The following ZFYVE26 variants were observed in gnomAD, a reference collection of about 807,000 sequenced individuals.
ZFYVE26 encodes zinc finger FYVE-type containing 26.
ZFYVE26 carries 181 observed loss-of-function variants against 276.5 expected under a neutral mutation model. The ratio of observed to expected loss-of-function variants is 0.65; its 90% confidence interval spans 0.58 to 0.74. The LOEUF (loss-of-function observed/expected upper bound fraction) is 0.74. Among genes scored for constraint, ZFYVE26 ranks in the 30% least tolerant of loss-of-function variants. ZFYVE26 has a pLI of 0.00. For synonymous variants in ZFYVE26, 1,129 were observed against 1,203.1 expected (o/e 0.94, Z 1.27); for missense variants, 2,821 against 3,097.9 (o/e 0.91, Z 2.12).
Position 67,798,044 on chromosome 14 carries a change from G to GACAAGCCCA in ZFYVE26, c.2217_2218insTGGGCTTGT (p.Arg739_His740insTrpAlaCys). ...CGATGGTTGCTTGTCACCACCTTGTGTCTCCACTGGGCCTCAGAGACAACC... is the reference window on the plus strand; with the variant it reads ...CGATGGTTGCTTGTCACCACCTTGTGACAAGCCCATCTCCACTGGGCCTCAGAGACAACC... On this transcript the variant is annotated inframe_insertion, in exon 11 of 42. Transcript: ENST00000347230. The GACAAGCCCA allele has an allele frequency of 6.2e-7, 1 of 1,614,094 alleles. No individual in the cohort carries two copies. Among genetic ancestry groups the GACAAGCCCA allele is most frequent in the Non-Finnish European group, 8.5e-7 (1 of 1,180,018 alleles).
rs532059976 is a variant in ZFYVE26 at position 67,790,712 on chromosome 14, C to T, written c.2615G>A (p.Arg872His). 1.7e-5 allele frequency: 27 copies of T among 1,614,158 alleles called. No homozygotes were observed. In the East Asian group the frequency reaches 2.9e-4, roughly 17 times the overall value. The change falls in exon 15 of 42, where the codon CGC becomes CAC. Residue 872 changes from arginine (R) to histidine (H), a missense_variant. Physicochemically the swap from Arg to His is conservative, Grantham distance 29 (BLOSUM62 0). Coordinates refer to ENST00000347230, the MANE Select transcript of ZFYVE26 (RefSeq NM_015346.4). Reference protein sequence around the residue: ...PSSGELMFMERYQEVIQELAQ... With the variant: ...PSSGELMFMEHYQEVIQELAQ... The stretch of plus-strand genomic sequence containing the variant: ...CAGTTCTTGGATCACTTCCTGGTAG[C>T]GCTCCATGAACATCAGTTCCCCTGA...
At chr14:67,815,724 A>G (rs1346939736) in intron 2 of ZFYVE26, 46 bp downstream of exon 2, 12 of 1,594,366 alleles carry the variant, frequency 7.5e-6, no homozygotes, top group South Asian at 1.1e-5. Flanking sequence ...ATTGAACCAC[A>G]TGTCTCTCAC....
intron 29 of ZFYVE26, 95 bp from the exon 30 acceptor site, chr14:67,768,643 G>T: frequency 2.6e-6 from 3 of 1,176,196 alleles, no homozygotes; most frequent in African/African-American, 1.5e-5. Context: ...TGTCTCCCTG[G>T]TACAATGGAG....
At chr14:67,732,536 CA>C (rs11408156) in intron 13 of ZFYVE26, among the ~76,000 whole-genome samples, 141 of 130,064 alleles carry the variant, frequency 1.1e-3, no homozygotes, top group African/African-American at 1.4e-3. Flanking sequence ...CCAAACAAAG[CA>C]AAAAAAAAAA....
At position 67,762,750 on chromosome 14, in the gene ZFYVE26, A is replaced by T. The variant is rs2140194754; in HGVS notation, c.6081T>A (p.Asp2027Glu). 6.2e-7 allele frequency: 1 copy of T among 1,614,214 alleles called. No individual in the cohort carries two copies. Among genetic ancestry groups the T allele is most frequent in the East Asian group, 2.2e-5 (1 of 44,884 alleles). Residue 2027 changes from aspartate (D) to glutamate (E), a missense_variant, in exon 33 of 42, where the codon GAT (aspartate) becomes GAA (glutamate). Asp to Glu is a conservative substitution (Grantham distance 45, BLOSUM62 2). Coordinates refer to ENST00000347230, the MANE Select transcript of ZFYVE26 (RefSeq NM_015346.4). Reference sequence around the variant, plus strand: ...TTACTGCAGCTGGCTGCAAGATCTGATCCAAAGATGGCACGTGGCGATAGG... The same window carrying T: ...TTACTGCAGCTGGCTGCAAGATCTGTTCCAAAGATGGCACGTGGCGATAGG... ...AAAYRHVPSL[D>E]QILQPAAVTR...
At chr14:67,806,906 T>C (rs145631116) in intron 5 of ZFYVE26, among the ~76,000 whole-genome samples, 3 of 152,270 alleles carry the variant, frequency 2.0e-5, no homozygotes, top group African/African-American at 7.2e-5. Flanking sequence ...AACACCTCTA[T>C]CTTACACTAG....
At chr14:67,794,286 T>G in intron 12 of ZFYVE26, 47 bp from the exon 13 acceptor site, 1 of 1,580,312 alleles carries the variant, frequency 6.3e-7, no homozygotes, top group Non-Finnish European at 8.7e-7. Context: ...CAGCTCCTTA[T>G]AGAGTAGGAA....
chr14:67,765,070 G>T (rs1455112363), intron 32 of ZFYVE26, among the ~76,000 whole-genome samples: 1 of 150,966 alleles, frequency 6.6e-6, no homozygotes, highest in Admixed American at 6.6e-5. Context: ...TAATTAGGTA[G>T]ATTTTTTATT....
chr14:67,785,681 G>A (rs1220226406), intron 18 of ZFYVE26, among the ~76,000 whole-genome samples, 177 bp downstream of exon 18: 1 of 152,136 alleles, frequency 6.6e-6, no homozygotes, highest in African/African-American at 2.4e-5. Flanking sequence ...TCAATTGAGA[G>A]GTGGGAAAAC....
chr14:67,783,989 C>T lies in ZFYVE26; in HGVS notation c.3626+345G>A, dbSNP rs558581894. On this transcript the variant is annotated intron_variant, in intron 20 of 41. Coordinates refer to ENST00000347230, the MANE Select transcript of ZFYVE26 (RefSeq NM_015346.4). ...TAATAAATATTGACAAACTGCCTTC[C>T]GACAGAGGCTGTACAAATTTATGTC... 1.7e-4 allele frequency among the ~76,000 whole-genome samples: 26 copies of T among 152,254 alleles called. No individual in the cohort carries two copies. The East Asian group carries it at 2.1e-3, about 12-fold the overall frequency.
chr14:67,803,670 G>C (rs1201229247), intron 9 of ZFYVE26, among the ~76,000 whole-genome samples: 1 of 151,692 alleles, frequency 6.6e-6, no homozygotes. Flanking sequence ...TAAATCTCCT[G>C]ATCTGTTATA....
chr14:67,795,924 T>C, intron 12 of ZFYVE26, among the ~76,000 whole-genome samples: 1 of 152,166 alleles, frequency 6.6e-6, no homozygotes, highest in East Asian at 1.9e-4. Flanking sequence ...TGAAAAGATA[T>C]TCAATCTCAA....
intron 13 of ZFYVE26, among the ~76,000 whole-genome samples, chr14:67,730,859 C>A (rs960648477): frequency 6.6e-6 from 1 of 152,290 alleles, no homozygotes; most frequent in Middle Eastern, 3.4e-3. Context: ...CTGCCTTGGC[C>A]TCCTAAAGTG....
intron 10 of ZFYVE26, among the ~76,000 whole-genome samples, chr14:67,800,924 T>TAAAA (rs59890733): frequency 0.052 from 7,763 of 148,648 alleles, 450 homozygotes; most frequent in African/African-American, 0.14. Context: ...AAAGTTACCG[T>TAAAA]ATAAATAAAT....
chr14:67,751,664 G>A, intron 40 of ZFYVE26: 1 of 179,344 alleles, frequency 5.6e-6, no homozygotes, highest in African/African-American at 2.4e-5. Flanking sequence ...ATGAGGTCAG[G>A]AGACGGAGAC....
chr14:67,805,738 G>C, intron 6 of ZFYVE26, 120 bp from the exon 7 acceptor site: 1 of 1,249,472 alleles, frequency 8.0e-7, no homozygotes, highest in Non-Finnish European at 1.1e-6. Flanking sequence ...GACAATAACA[G>C]GAGTGGTTGG....
At chr14:67,807,990 G>T in intron 4 of ZFYVE26, 70 bp from the exon 5 acceptor site, 1 of 1,560,718 alleles carries the variant, frequency 6.4e-7, no homozygotes, top group Non-Finnish European at 8.8e-7. Context: ...GTGCCTTCAT[G>T]CTTTCCTCTT....
intron 10 of ZFYVE26, chr14:67,799,442 G>C (rs2040034364): frequency 6.2e-7 from 1 of 1,612,078 alleles, no homozygotes; most frequent in African/African-American, 1.3e-5. Flanking sequence ...GAGCAGAAAG[G>C]AGTTGGGGCT....
chr14:67,750,872 C>A, intron 41 of ZFYVE26, 180 bp downstream of exon 41: 1 of 754,790 alleles, frequency 1.3e-6, no homozygotes, highest in South Asian at 1.5e-5. Flanking sequence ...TGTTCACCTG[C>A]TCCTCATCTA....
Sources: gnomAD v4.1 joint callset for allele counts (sites outside exome capture counted in the v4.1 genomes callset) on GRCh38, gnomAD v4.1.1 for gene constraint, MANE v1.5 for transcripts, NCBI Gene and HGNC (gene_info 2026-07-23, HGNC 2026-07-21) for gene names.